ZNF618: variants seen among roughly 807,000 people sequenced by gnomAD.
ZNF618 encodes the protein neural precursor cell expressed, developmentally down-regulated 10.
In ZNF618, 34 loss-of-function variants were observed where a neutral mutation model predicts 103.0. The observed-to-expected ratio is 0.33, with a 90% CI of 0.25 to 0.44. ZNF618 has a LOEUF of 0.44. Ranked by LOEUF, ZNF618 falls within the 20% of genes least tolerant of loss-of-function variation. The pLI, the probability that ZNF618 is intolerant of heterozygous loss-of-function variation, is 1.00. For synonymous variants in ZNF618, 551 were observed against 542.2 expected, an observed-to-expected ratio of 1.02 and a Z score of -0.23; for missense variants, 1,059 against 1,295.4, an observed-to-expected ratio of 0.82 and a Z score of 2.80.
chr9:113,927,591 G>A (rs1833218481), intron 1 of ZNF618, among the ~76,000 whole-genome samples: 1 of 152,168 alleles, frequency 6.6e-6, no homozygotes, highest in African/African-American at 2.4e-5. Context: ...CCCCTTAGGT[G>A]AGACAGGAAG....
Position 113,952,426 on chromosome 9 carries a change from C to G in ZNF618, c.34-16691C>G, listed in dbSNP as rs1195535952. Among the ~76,000 whole-genome samples, 4 of 152,214 alleles carry G rather than the reference C, an allele frequency of 2.6e-5. No homozygotes were observed. The East Asian group carries it at 7.7e-4, about 29-fold the overall frequency. ...TGGGTGTCTGTCCACCCCCTGATGA[C>G]AGCCTCTCATGGGAAGCATACCGCC... On this transcript the variant is annotated intron_variant, in intron 1 of 14. Coordinates refer to ENST00000374126, the MANE Select transcript of ZNF618 (RefSeq NM_001318042.2).
At chr9:114,015,691 A>G (rs545261015) in intron 9 of ZNF618, among the ~76,000 whole-genome samples, 4 of 152,242 alleles carry the variant, frequency 2.6e-5, no homozygotes, top group Admixed American at 2.6e-4. Context: ...TTCTATAAAA[A>G]CATGAGTCAC....
chr9:113,934,689 C>T (rs150493834), intron 1 of ZNF618, among the ~76,000 whole-genome samples: 1 of 152,252 alleles, frequency 6.6e-6, no homozygotes, highest in East Asian at 1.9e-4. Context: ...GCATTCTGGC[C>T]TGTTGGTTAA....
At chr9:113,939,294 T>C (rs1382280121) in intron 1 of ZNF618, among the ~76,000 whole-genome samples, 1 of 138,804 alleles carries the variant, frequency 7.2e-6, no homozygotes, top group Non-Finnish European at 1.6e-5. Flanking sequence ...GTTGTTTGTT[T>C]GTTGTTGTTG....
chr9:113,895,484 A>G (rs1054088022), intron 1 of ZNF618, among the ~76,000 whole-genome samples: 3 of 152,092 alleles, frequency 2.0e-5, no homozygotes, highest in Non-Finnish European at 4.4e-5. Flanking sequence ...TATATCCATT[A>G]GTGAGATTGC....
intron 2 of ZNF618, among the ~76,000 whole-genome samples, chr9:113,972,338 C>T (rs1014899421): frequency 1.3e-5 from 2 of 152,212 alleles, no homozygotes; most frequent in Admixed American, 6.5e-5. Context: ...TAGGAGCCAC[C>T]ATGCCCACCC....
chr9:113,922,404 T>C (rs1832724595), intron 1 of ZNF618, among the ~76,000 whole-genome samples: 1 of 150,406 alleles, frequency 6.6e-6, no homozygotes, highest in Admixed American at 6.6e-5. Context: ...CCAAAGAAAG[T>C]GGTTGTGGTT....
At chr9:114,040,631 T>G (rs1845075315) in intron 13 of ZNF618, among the ~76,000 whole-genome samples, 1 of 152,222 alleles carries the variant, frequency 6.6e-6, no homozygotes, top group African/African-American at 2.4e-5. Context: ...GTTTCCAGCT[T>G]CATCCATGTC....
At chr9:114,018,023 C>T (rs1469385148) in intron 10 of ZNF618, among the ~76,000 whole-genome samples, 2 of 152,184 alleles carry the variant, frequency 1.3e-5, no homozygotes, top group African/African-American at 4.8e-5. Flanking sequence ...GTGCCTGTTG[C>T]TTTCCTTCTC....
At chr9:113,884,134 C>A (rs371905732) in intron 1 of ZNF618, among the ~76,000 whole-genome samples, 1 of 152,052 alleles carries the variant, frequency 6.6e-6, no homozygotes, top group African/African-American at 2.4e-5. Flanking sequence ...GGGCAAGTAG[C>A]CCGTGGGAGG....
At position 113,913,311 on chromosome 9, in the gene ZNF618, G is replaced by C. The variant is rs80029621; in HGVS notation, c.33+36898G>C. Among the ~76,000 whole-genome samples the C allele has an allele frequency of 0.013, 1,919 of 152,334 alleles. 128 individuals are homozygous for C. In the East Asian group the frequency reaches 0.2, roughly 16 times the overall value. On this transcript the variant is annotated intron_variant, in intron 1 of 14. Transcript: ENST00000374126. ...CTGGTAAGTGGTAGAGTTGAGATTT[G>C]AATTCAGGATTGCTGTCCCTCAAAG...
chr9:114,049,675 G>C lies in ZNF618; in HGVS notation c.2373G>C (p.Ala791=), dbSNP rs147007253. Residue 791 remains alanine (A), a synonymous_variant, in exon 15 of 15, where the codon GCG becomes GCC. Transcript: ENST00000374126. ...AGCTCTGCCACCTCTTCCTGGAGGC[G>C]CTCAAGGAGAACTTCAAGGTGCACC... The part of the protein sequence containing the change: ...VSKLCHLFLE[A]LKENFKVHPA... 3 of 1,613,800 alleles carry C rather than the reference G, an allele frequency of 1.9e-6. No individual in the cohort carries two copies. The highest frequency in any genetic ancestry group is 2.7e-5 in the African/African-American group (2 of 75,060).
At chr9:114,034,230 G>A (rs569057225) in intron 12 of ZNF618, among the ~76,000 whole-genome samples, 1 of 152,298 alleles carries the variant, frequency 6.6e-6, no homozygotes, top group Admixed American at 6.5e-5. Flanking sequence ...TTTGAACAAC[G>A]TAATCCACCC....
Position 114,050,403 on chromosome 9 carries a change from C to T in ZNF618, c.*236C>T. On this transcript the variant is annotated 3_prime_UTR_variant, in exon 15 of 15. Coordinates refer to ENST00000374126, the MANE Select transcript of ZNF618 (RefSeq NM_001318042.2). ...TGGTTGTGGGGGTGTGGGGGGGTCT[C>T]TGTGCTCATCTCCATGGCCAGAGAA... 2.1e-6 allele frequency: 1 copy of T among 468,362 alleles called. No individual in the cohort carries two copies. 29.0% of individuals were successfully genotyped at this position (468,362 alleles called of 1,614,324 possible).
intron 1 of ZNF618, among the ~76,000 whole-genome samples, chr9:113,947,788 A>G (rs567208431): frequency 6.6e-6 from 1 of 152,230 alleles, no homozygotes; most frequent in African/African-American, 2.4e-5. Context: ...CTCAACTAGA[A>G]AAACAAGTGC....
chr9:113,969,152 TG>T lies in ZNF618; in HGVS notation c.70del (p.Ala24ArgfsTer6). 1 of 1,613,980 alleles carries T rather than the reference TG, an allele frequency of 6.2e-7. No individual in the cohort carries two copies. Among genetic ancestry groups the T allele is most frequent in the Non-Finnish European group, 8.5e-7 (1 of 1,179,888 alleles). On this transcript the variant is annotated frameshift_variant, in exon 2 of 15. Transcript: ENST00000374126. LOFTEE classifies it high-confidence loss of function. ...GASAAGRKST[A>X]SRERLKRSQK... ...CCAGTGCAGCCGGAAGGAAAAGCAC[TG>T]CGAGCAGGTACACTCCCTCTCCCGC...
intron 1 of ZNF618, among the ~76,000 whole-genome samples, chr9:113,927,237 G>GTAAA (rs1833182559): frequency 6.6e-6 from 1 of 152,220 alleles, no homozygotes; most frequent in Non-Finnish European, 1.5e-5. Flanking sequence ...AGGAACTGAG[G>GTAAA]TAAATAGGCC....
chr9:113,884,804 G>C (rs1374745701), intron 1 of ZNF618, among the ~76,000 whole-genome samples: 1 of 150,480 alleles, frequency 6.6e-6, no homozygotes, highest in East Asian at 1.9e-4. Flanking sequence ...GAGAGAGAGA[G>C]AGAGAGAGAC....
intron 6 of ZNF618, among the ~76,000 whole-genome samples, chr9:114,004,486 CCT>C (rs1841548297): frequency 6.6e-6 from 1 of 152,234 alleles, no homozygotes; most frequent in South Asian, 2.1e-4. Flanking sequence ...GGGCCCCTGG[CCT>C]CTCCAGCAGC....
Sources: gnomAD v4.1 joint callset for allele counts (sites outside exome capture counted in the v4.1 genomes callset) on GRCh38, gnomAD v4.1.1 for gene constraint, MANE v1.5 for transcripts, NCBI Gene and HGNC (gene_info 2026-07-23, HGNC 2026-07-21) for gene names.